The following GALNT13 variants were observed in gnomAD, a reference collection of about 807,000 sequenced individuals.
GALNT13 encodes the protein UDP-GalNAc:polypeptide N-acetylgalactosaminyltransferase 13.
A neutral mutation model predicts 64.2 loss-of-function variants in GALNT13; 28 were observed. That is an observed-to-expected ratio of 0.44 (90% CI 0.32 to 0.60). GALNT13 has a LOEUF of 0.60. GALNT13 is among the 20% of genes least tolerant of loss of function. The probability of loss-of-function intolerance (pLI) is 0.05; values close to 1 mark genes in which losing one functional copy is unlikely to be tolerated. For synonymous variants in GALNT13, 214 were observed against 224.6 expected, an observed-to-expected ratio of 0.95 and a Z score of 0.42; for missense variants, 577 against 669.8, an observed-to-expected ratio of 0.86 and a Z score of 1.53.
intron 11 of GALNT13, among the ~76,000 whole-genome samples, chr2:154,420,985 G>A (rs946671341): frequency 1.3e-5 from 2 of 152,006 alleles, no homozygotes; most frequent in Non-Finnish European, 2.9e-5. Context: ...GAATAAATTA[G>A]GCAAGGATAT....
chr2:153,317,658 A>C, the GALNT13 span, among the ~76,000 whole-genome samples: 1 of 152,288 alleles, frequency 6.6e-6, no homozygotes, highest in East Asian at 1.9e-4. Context: ...GATACCAGGC[A>C]GTTACTCTCC....
chr2:153,790,401 G>A, the GALNT13 span, among the ~76,000 whole-genome samples: 1 of 140,250 alleles, frequency 7.1e-6, no homozygotes. Context: ...AAATAATATA[G>A]GCTTTATGTT....
the GALNT13 span, among the ~76,000 whole-genome samples, chr2:153,831,618 C>T: frequency 6.6e-6 from 1 of 151,898 alleles, no homozygotes; most frequent in African/African-American, 2.4e-5. Flanking sequence ...CTGTGGGAGG[C>T]CCTCCTCGAC....
At chr2:153,393,961 C>T in the GALNT13 span, among the ~76,000 whole-genome samples, 1 of 92,982 alleles carries the variant, frequency 1.1e-5, no homozygotes, top group East Asian at 2.3e-4. Context: ...CACACACACA[C>T]ACACACACAC....
At chr2:153,099,544 T>C in the GALNT13 span, among the ~76,000 whole-genome samples, 2 of 152,230 alleles carry the variant, frequency 1.3e-5, no homozygotes, top group Non-Finnish European at 2.9e-5. Flanking sequence ...AGAAAGATTT[T>C]ATTAAAATAT....
chr2:154,377,571 T>A (rs892501396), intron 9 of GALNT13, among the ~76,000 whole-genome samples: 16 of 152,066 alleles, frequency 1.1e-4, no homozygotes, highest in African/African-American at 3.9e-4. Flanking sequence ...ATTATTCAAA[T>A]GAGACTTCGC....
intron 4 of GALNT13, among the ~76,000 whole-genome samples, chr2:154,184,879 A>G (rs1443009985): frequency 6.6e-6 from 1 of 152,144 alleles, no homozygotes; most frequent in African/African-American, 2.4e-5. Context: ...ATTAGAATTA[A>G]AAGTGATTTA....
chr2:153,460,643 C>G, the GALNT13 span, among the ~76,000 whole-genome samples: 1 of 152,000 alleles, frequency 6.6e-6, no homozygotes, highest in Non-Finnish European at 1.5e-5. Context: ...AATTAGAAAC[C>G]ACTTGAGTAT....
the GALNT13 span, among the ~76,000 whole-genome samples, chr2:153,345,067 G>T: frequency 6.6e-6 from 1 of 152,150 alleles, no homozygotes; most frequent in African/African-American, 2.4e-5. Context: ...ACATTAATTT[G>T]ACTTCAGGGA....
intron 11 of GALNT13, among the ~76,000 whole-genome samples, chr2:154,438,171 T>G (rs1013006440): frequency 6.6e-6 from 1 of 152,094 alleles, no homozygotes; most frequent in Non-Finnish European, 1.5e-5. Flanking sequence ...AGAAGAAAGA[T>G]TTAAACTTCT....
At chr2:153,207,478 C>T in the GALNT13 span, among the ~76,000 whole-genome samples, 2 of 152,194 alleles carry the variant, frequency 1.3e-5, no homozygotes, top group East Asian at 3.9e-4. Flanking sequence ...CCCCTACTTG[C>T]GTAACTCATT....
chr2:154,446,394 G>T, intron 12 of GALNT13: 1 of 474,106 alleles, frequency 2.1e-6, no homozygotes, highest in Non-Finnish European at 3.6e-6. Flanking sequence ...TTCCTTATAG[G>T]GTTGATATTA....
At chr2:153,632,688 A>T in the GALNT13 span, among the ~76,000 whole-genome samples, 1 of 152,204 alleles carries the variant, frequency 6.6e-6, no homozygotes, top group Admixed American at 6.6e-5. Flanking sequence ...ATTTAATAAT[A>T]TGCATTAAAG....
At chr2:153,345,693 T>TTTC in the GALNT13 span, among the ~76,000 whole-genome samples, 6 of 130,320 alleles carry the variant, frequency 4.6e-5, no homozygotes, top group African/African-American at 1.7e-4. Context: ...CTTTCTTTCT[T>TTTC]TCTTTCTTTC....
At chr2:153,962,164 G>A (rs1335815418) in intron 3 of GALNT13, among the ~76,000 whole-genome samples, 2 of 152,070 alleles carry the variant, frequency 1.3e-5, no homozygotes, top group African/African-American at 2.4e-5. Context: ...AGCCCAAATT[G>A]GGCACATTTA....
chr2:154,219,992 C>T (rs1428035630), intron 4 of GALNT13, among the ~76,000 whole-genome samples: 1 of 152,042 alleles, frequency 6.6e-6, no homozygotes, highest in Non-Finnish European at 1.5e-5. Flanking sequence ...ACTTCCAGGG[C>T]AGATCCAGGT....
the GALNT13 span, among the ~76,000 whole-genome samples, chr2:153,811,004 C>A: frequency 6.6e-6 from 1 of 152,128 alleles, no homozygotes. Context: ...ACCCTAATTT[C>A]ATCATCAGTA....
At chr2:153,536,212 TAAC>T in the GALNT13 span, among the ~76,000 whole-genome samples, 1 of 152,208 alleles carries the variant, frequency 6.6e-6, no homozygotes, top group Non-Finnish European at 1.5e-5. Flanking sequence ...ATGGTAAAAC[TAAC>T]AAAAGCATGA....
chr2:153,631,741 C>G, the GALNT13 span, among the ~76,000 whole-genome samples: 1 of 152,070 alleles, frequency 6.6e-6, no homozygotes, highest in Non-Finnish European at 1.5e-5. Context: ...CAAAAATGTT[C>G]TCCCATTCTG....
Sources: gnomAD v4.1 joint callset for allele counts (sites outside exome capture counted in the v4.1 genomes callset) on GRCh38, gnomAD v4.1.1 for gene constraint, MANE v1.5 for transcripts, NCBI Gene and HGNC (gene_info 2026-07-23, HGNC 2026-07-21) for gene names.